The following TNFSF18 variants were observed in gnomAD, a reference collection of about 807,000 sequenced individuals.
TNFSF18 encodes TNF superfamily member 18, also known as tumor necrosis factor ligand superfamily member 18.
Under a neutral mutation model 9.6 loss-of-function variants are expected in TNFSF18, and 6 were observed. The ratio of observed to expected loss-of-function variants is 0.63; its 90% CI spans 0.34 to 1.24. The LOEUF (loss-of-function observed/expected upper bound fraction) is 1.24, where lower values mean the gene tolerates loss of function less well. TNFSF18 is among the 50% of genes most tolerant of loss of function. The probability of loss-of-function intolerance (pLI) is 0.03; values close to 1 mark genes in which losing one functional copy is unlikely to be tolerated. For synonymous variants in TNFSF18, 68 were observed against 71.7 expected, an observed-to-expected ratio of 0.95 and a Z score of 0.26; for missense variants, 210 against 201.0, an observed-to-expected ratio of 1.04 and a Z score of -0.27.
chr1:173,048,321 C>T (rs746309702), intron 1 of TNFSF18, among the ~76,000 whole-genome samples: 1 of 152,200 alleles, frequency 6.6e-6, no homozygotes. Flanking sequence ...TTTGTAACCT[C>T]TTCTTGATTT....
intron 2 of TNFSF18, among the ~76,000 whole-genome samples, chr1:173,042,058 T>C (rs1398543165): frequency 6.6e-6 from 1 of 152,160 alleles, no homozygotes; most frequent in Admixed American, 6.5e-5. Flanking sequence ...CAAGCCAAAA[T>C]TTTGAAAACC....
intron 1 of TNFSF18, among the ~76,000 whole-genome samples, chr1:173,049,849 C>T (rs567588415): frequency 2.0e-5 from 3 of 152,240 alleles, no homozygotes; most frequent in Non-Finnish European, 4.4e-5. Context: ...ATCAGTGCTA[C>T]GTAGTTAACT....
At chr1:173,050,355 A>T (rs1665149872) in intron 1 of TNFSF18, among the ~76,000 whole-genome samples, 1 of 151,992 alleles carries the variant, frequency 6.6e-6, no homozygotes, top group Non-Finnish European at 1.5e-5. Context: ...CTATTTTTTT[A>T]AGTCTTTTCC....
intron 1 of TNFSF18, 43 bp downstream of exon 1, chr1:173,050,698 G>T: frequency 7.6e-7 from 1 of 1,320,044 alleles, no homozygotes; most frequent in South Asian, 1.4e-5. Context: ...AATAAATAGA[G>T]GATTATAGCA....
In TNFSF18 at chr1:173,050,742, T is replaced by G. The variant is rs201190722; in HGVS notation, c.155A>C (p.Glu52Ala). The stretch of plus-strand genomic sequence containing the variant: ...CCTTAGGTACAATTGCCTCCTTACC[T>G]CTAATTGGAGAAAAATAAAGATTAG... Reference protein sequence around the residue: ...SWLIFIFLQLETAKEPCMAKF... With the variant: ...SWLIFIFLQLATAKEPCMAKF... Residue 52 changes from glutamate (E) to alanine (A), a missense_variant and splice_region_variant, in exon 1 of 3, where the codon GAG becomes GCG. Transcript: ENST00000404377. 1 of 1,597,420 alleles carries G rather than the reference T, an allele frequency of 6.3e-7. No homozygotes were observed. The highest frequency in any genetic ancestry group is 1.3e-5 in the African/African-American group (1 of 74,538).
chr1:173,050,328 C>T (rs1237335443), intron 1 of TNFSF18, among the ~76,000 whole-genome samples: 2 of 152,140 alleles, frequency 1.3e-5, no homozygotes, highest in Non-Finnish European at 2.9e-5. Context: ...CTGTCATTTA[C>T]TTAATCCTGT....
At chr1:173,041,766 T>G in intron 2 of TNFSF18, 53 bp from the exon 3 acceptor site, 1 of 1,456,034 alleles carries the variant, frequency 6.9e-7, no homozygotes, top group Non-Finnish European at 9.3e-7. Context: ...ATTTCATTAT[T>G]TCATCCTTTT....
intron 1 of TNFSF18, among the ~76,000 whole-genome samples, chr1:173,045,816 T>C (rs1274253054): frequency 6.6e-6 from 1 of 152,128 alleles, no homozygotes; most frequent in African/African-American, 2.4e-5. Context: ...ATTTAGTTCA[T>C]AGATGGCTTG....
chr1:173,041,401 A>G lies in TNFSF18; in HGVS notation c.500T>C (p.Ile167Thr). The change falls in exon 3 of 3, where the codon ATC becomes ACC. Residue 167 changes from isoleucine to threonine, a missense_variant. Ile to Thr is a moderately conservative substitution (Grantham distance 89, BLOSUM62 -1). Coordinates refer to ENST00000404377, the MANE Select transcript of TNFSF18 (RefSeq NM_005092.4). ...QVLKNNTYWG[I>T]ILLANPQFIS ...GAATTGGGGATTTGCTAGTAAAATG[A>G]TACCCCAGTATGTATTATTTTTTAG... The G allele has an allele frequency of 1.2e-6, 2 of 1,611,094 alleles. No individual in the cohort carries two copies. The highest frequency in any genetic ancestry group is 1.7e-6 in the Non-Finnish European group (2 of 1,178,608).
intron 1 of TNFSF18, 108 bp downstream of exon 1, chr1:173,050,633 T>A: frequency 1.4e-6 from 1 of 740,074 alleles, no homozygotes; most frequent in African/African-American, 1.8e-5. Context: ...ACACATCTCT[T>A]CCTTCCAACT....
chr1:173,047,977 G>T (rs777905937), intron 1 of TNFSF18, among the ~76,000 whole-genome samples: 9 of 152,064 alleles, frequency 5.9e-5, no homozygotes, highest in Non-Finnish European at 1.0e-4. Context: ...TAGTAATGGG[G>T]CAAATATTAA....
intron 1 of TNFSF18, among the ~76,000 whole-genome samples, chr1:173,044,735 G>T (rs1056963248): frequency 8.5e-5 from 13 of 152,198 alleles, no homozygotes; most frequent in Non-Finnish European, 1.5e-5. Context: ...CTTTCCTTTT[G>T]TAGGATTTCT....
At chr1:173,047,668 A>G (rs753718497) in intron 1 of TNFSF18, among the ~76,000 whole-genome samples, 25 of 152,216 alleles carry the variant, frequency 1.6e-4, no homozygotes, top group Non-Finnish European at 3.2e-4. Context: ...ACCATCTACT[A>G]GCATGTATGA....
At position 173,050,774 on chromosome 1, in the gene TNFSF18, G is replaced by A; in HGVS notation, c.123C>T (p.Phe41=). Residue 41 remains phenylalanine, a synonymous_variant, in exon 1 of 3, where the codon TTC becomes TTT. Coordinates refer to ENST00000404377, the MANE Select transcript of TNFSF18 (RefSeq NM_005092.4). ...SIVMLLFLCS[F]SWLIFIFLQL... is the part of the protein sequence containing the mutation. ...GGAGAAAAATAAAGATTAGCCAACT[G>A]AAGGAGCAAAGAAATAGCAACATAA... is the stretch of plus-strand genomic sequence containing the variant. 1 of 1,611,556 alleles carries A rather than the reference G, an allele frequency of 6.2e-7. No individual in the cohort carries two copies. Among genetic ancestry groups the A allele is most frequent in the Non-Finnish European group, 8.5e-7 (1 of 1,178,808 alleles).
intron 1 of TNFSF18, among the ~76,000 whole-genome samples, chr1:173,044,257 C>G (rs541691118): frequency 2.7e-5 from 4 of 145,740 alleles, no homozygotes; most frequent in Non-Finnish European, 6.1e-5. Flanking sequence ...GATATCGGAC[C>G]CCCCCCCCAA....
At chr1:173,044,262 C>CA (rs386368763) in intron 1 of TNFSF18, among the ~76,000 whole-genome samples, 2 of 151,602 alleles carry the variant, frequency 1.3e-5, no homozygotes, top group Non-Finnish European at 2.9e-5. Flanking sequence ...CGGACCCCCC[C>CA]CCCAACCTTG....
intron 1 of TNFSF18, among the ~76,000 whole-genome samples, chr1:173,044,680 T>C (rs144939968): frequency 6.6e-6 from 1 of 152,360 alleles, no homozygotes; most frequent in African/African-American, 2.4e-5. Flanking sequence ...GGTTTCCTAA[T>C]GGCAAAGTGC....
At position 173,041,710 on chromosome 1, in the gene TNFSF18, G is replaced by T. The variant is rs967931955; in HGVS notation, c.191C>A (p.Pro64Gln). Residue 64 changes from proline (P) to glutamine (Q), a missense_variant, in exon 3 of 3, where the codon CCA becomes CAA. By Grantham distance (76) the Pro-to-Gln change is moderately conservative (BLOSUM62 -1). Transcript: ENST00000404377. ...TGCCATTTGCCATTTTGAGGGTAAT[G>T]GTCCTATAAGAAATATACAAGGATA... ...AKEPCMAKFG[P>Q]LPSKWQMASS... is the part of the protein sequence containing the mutation. 15 of 1,580,818 alleles carry T rather than the reference G, an allele frequency of 9.5e-6. No homozygotes were observed. The East Asian group carries it at 3.4e-4, about 35-fold the overall frequency.
chr1:173,050,738 T>A lies in TNFSF18; in HGVS notation c.156+3A>T, dbSNP rs1665156628. On this transcript the variant is annotated splice_donor_region_variant and intron_variant, in intron 1 of 2. Coordinates refer to ENST00000404377, the MANE Select transcript of TNFSF18 (RefSeq NM_005092.4). ...GTAACCTTAGGTACAATTGCCTCCT[T>A]ACCTCTAATTGGAGAAAAATAAAGA... The A allele has an allele frequency of 6.3e-7, 1 of 1,589,566 alleles. No homozygotes were observed. The highest frequency in any genetic ancestry group is 8.6e-7 in the Non-Finnish European group (1 of 1,165,496).
Sources: allele counts gnomAD v4.1 joint callset (sites outside exome capture counted in the v4.1 genomes callset), GRCh38; gene constraint gnomAD v4.1.1; transcripts MANE v1.5; gene names NCBI Gene and HGNC (gene_info 2026-07-23, HGNC 2026-07-21).